LTBP1: variants seen among roughly 807,000 people sequenced by gnomAD.
LTBP1 encodes latent-transforming growth factor beta-binding protein 1.
In LTBP1, 129 loss-of-function variants were observed where a neutral mutation model predicts 207.6. That is an observed-to-expected ratio of 0.62 (90% CI 0.54 to 0.72). The LOEUF is 0.72. LTBP1 is among the 30% of genes least tolerant of loss of function. The pLI, the probability that LTBP1 is intolerant of heterozygous loss-of-function variation, is 0.00. For synonymous variants in LTBP1, 963 were observed against 833.7 expected (o/e 1.16, Z -2.67); for missense variants, 2,281 against 2,217.2 (o/e 1.03, Z -0.58).
rs763958452 is a variant in LTBP1, at chr2:33,252,533, A to G, written c.2000-144A>G. On this transcript the variant is annotated intron_variant, in intron 10 of 33. Coordinates refer to ENST00000404816, the MANE Select transcript of LTBP1 (RefSeq NM_206943.4). ...CACATGGTAAACTGATTTTTCTTCA[A>G]GAAAGGTGATGCTCTAAATCTAGAC... 82 of 737,974 alleles carry G rather than the reference A, an allele frequency of 1.1e-4. No homozygotes were observed. In the Middle Eastern group the frequency reaches 1.5e-3, roughly 14 times the overall value. 45.7% of individuals were successfully genotyped at this position (737,974 alleles called of 1,614,324 possible).
At chr2:33,338,645 G>A (rs1281892818) in intron 24 of LTBP1, among the ~76,000 whole-genome samples, 2 of 152,138 alleles carry the variant, frequency 1.3e-5, no homozygotes, top group East Asian at 3.9e-4. Context: ...CTGCAGAGGA[G>A]GTGTCTCTTG....
chr2:33,297,005 C>T (rs540278980), intron 20 of LTBP1, among the ~76,000 whole-genome samples: 4 of 152,218 alleles, frequency 2.6e-5, no homozygotes, highest in South Asian at 2.1e-4. Flanking sequence ...AACAAAGTTT[C>T]GTTAAAGCCA....
At chr2:33,035,524 G>A (rs1319147694) in intron 3 of LTBP1, among the ~76,000 whole-genome samples, 1 of 152,162 alleles carries the variant, frequency 6.6e-6, no homozygotes, top group Non-Finnish European at 1.5e-5. Flanking sequence ...TTATTTTATA[G>A]TCTACTGTAT....
At chr2:33,303,657 G>A (rs1323969871) in intron 22 of LTBP1, among the ~76,000 whole-genome samples, 2 of 152,012 alleles carry the variant, frequency 1.3e-5, no homozygotes, top group Non-Finnish European at 2.9e-5. Flanking sequence ...GCCTGCATTG[G>A]TTAGATTCTC....
At chr2:33,276,218 T>C (rs1383724181) in intron 18 of LTBP1, among the ~76,000 whole-genome samples, 1 of 152,236 alleles carries the variant, frequency 6.6e-6, no homozygotes, top group Non-Finnish European at 1.5e-5. Flanking sequence ...ACAGACTTAA[T>C]TACAGAGTCC....
At chr2:33,341,729 A>AAAAATATATATATATATATATAT (rs745445793) in intron 24 of LTBP1, among the ~76,000 whole-genome samples, 17 of 93,622 alleles carry the variant, frequency 1.8e-4, no homozygotes, top group African/African-American at 8.7e-4. Context: ...AAAAAAAAAA[A>AAAAATATATATATATATATATAT]ATATATATAT....
At chr2:33,253,738 T>G (rs1327758949) in intron 11 of LTBP1, among the ~76,000 whole-genome samples, 2 of 152,154 alleles carry the variant, frequency 1.3e-5, no homozygotes, top group Non-Finnish European at 1.5e-5. Context: ...TGACTCACCT[T>G]TGTTCATGGT....
chr2:33,047,136 T>A (rs1301847119), intron 3 of LTBP1, among the ~76,000 whole-genome samples: 1 of 152,178 alleles, frequency 6.6e-6, no homozygotes, highest in East Asian at 1.9e-4. Flanking sequence ...GATCTTAAGT[T>A]ATTTCTTGTC....
chr2:32,969,044 G>A (rs1421610983), intron 2 of LTBP1, among the ~76,000 whole-genome samples: 1 of 151,588 alleles, frequency 6.6e-6, no homozygotes, highest in Non-Finnish European at 1.5e-5. Context: ...CCCTGCCTCA[G>A]CCTCCCAAGT....
At chr2:33,318,236 TG>T (rs1021341033) in intron 24 of LTBP1, among the ~76,000 whole-genome samples, 7 of 152,186 alleles carry the variant, frequency 4.6e-5, no homozygotes, top group African/African-American at 1.7e-4. Flanking sequence ...GATAGATAGC[TG>T]GGAGAGGAAG....
intron 5 of LTBP1, among the ~76,000 whole-genome samples, chr2:33,137,986 G>A (rs1333848937): frequency 6.6e-6 from 1 of 152,198 alleles, no homozygotes; most frequent in East Asian, 1.9e-4. Flanking sequence ...GCAACTGAGA[G>A]TCCAGCATAC....
At chr2:33,377,379 G>A (rs543706586) in intron 31 of LTBP1, among the ~76,000 whole-genome samples, 1 of 152,180 alleles carries the variant, frequency 6.6e-6, no homozygotes, top group Admixed American at 6.5e-5. Context: ...AGTTCAAGGC[G>A]AGAGAAGTTT....
intron 7 of LTBP1, among the ~76,000 whole-genome samples, chr2:33,192,264 G>A (rs914213563): frequency 6.6e-6 from 1 of 152,166 alleles, no homozygotes; most frequent in Admixed American, 6.5e-5. Flanking sequence ...AAGCCCCTTT[G>A]ACTAAGTGAT....
intron 24 of LTBP1, among the ~76,000 whole-genome samples, chr2:33,339,263 T>G (rs1225270513): frequency 1.3e-5 from 2 of 152,146 alleles, no homozygotes; most frequent in Admixed American, 6.5e-5. Flanking sequence ...ATTCGTTTAT[T>G]ATGAATATAT....
At chr2:33,143,871 C>T (rs2082819869) in intron 5 of LTBP1, among the ~76,000 whole-genome samples, 1 of 151,374 alleles carries the variant, frequency 6.6e-6, no homozygotes, top group Admixed American at 6.6e-5. Flanking sequence ...GGTATATTGA[C>T]TGGCTCCAGG....
chr2:33,196,069 T>C (rs1452716647), intron 7 of LTBP1, among the ~76,000 whole-genome samples: 2 of 152,224 alleles, frequency 1.3e-5, no homozygotes, highest in Non-Finnish European at 2.9e-5. Context: ...GACAGTATAG[T>C]GTAAACATGA....
At position 33,275,091 on chromosome 2, in the gene LTBP1, G is replaced by C. The variant is rs1464479668; in HGVS notation, c.2869+1G>C. On this transcript the variant is annotated splice_donor_variant, in intron 17 of 33. Coordinates refer to ENST00000404816, the MANE Select transcript of LTBP1 (RefSeq NM_206943.4). LOFTEE classifies it high-confidence loss of function. ...AGTGAGGAGGGTACTAACTGCATAG[G>C]TAATGGCAGCATTCTTCCTGCTTAC... The C allele has an allele frequency of 1.9e-6, 3 of 1,613,640 alleles. No homozygotes were observed. The highest frequency in any genetic ancestry group is 2.5e-6 in the Non-Finnish European group (3 of 1,179,736).
chr2:33,159,917 T>C (rs968877172), intron 5 of LTBP1, among the ~76,000 whole-genome samples: 1 of 152,228 alleles, frequency 6.6e-6, no homozygotes, highest in African/African-American at 2.4e-5. Flanking sequence ...AGTCTCGCTC[T>C]GTTGCCCAGG....
At chr2:33,035,531 G>A (rs1292918197) in intron 3 of LTBP1, among the ~76,000 whole-genome samples, 1 of 152,174 alleles carries the variant, frequency 6.6e-6, no homozygotes, top group Non-Finnish European at 1.5e-5. Flanking sequence ...ATAGTCTACT[G>A]TATTTCTTCA....
Sources: gnomAD v4.1 joint callset for allele counts (sites outside exome capture counted in the v4.1 genomes callset) on GRCh38, gnomAD v4.1.1 for gene constraint, MANE v1.5 for transcripts, NCBI Gene and HGNC (gene_info 2026-07-23, HGNC 2026-07-21) for gene names.